GRID2: variants seen among roughly 807,000 people sequenced by gnomAD.
The protein encoded by GRID2 is glutamate receptor ionotropic, delta-2.
A neutral mutation model predicts 114.8 loss-of-function variants in GRID2; 33 were observed. The observed-to-expected ratio is 0.29, with a 90% CI of 0.22 to 0.38. The LOEUF (loss-of-function observed/expected upper bound fraction) is 0.38, where lower values mean the gene tolerates loss of function less well. Among genes scored for constraint, GRID2 ranks in the 10% least tolerant of loss-of-function variants. The probability of loss-of-function intolerance (pLI) is 1.00; values close to 1 mark genes in which losing one functional copy is unlikely to be tolerated. For missense variants in GRID2, 1,184 were observed against 1,257.7 expected (o/e 0.94, Z 0.89); for synonymous variants, 505 against 449.9 (o/e 1.12, Z -1.55).
At chr4:93,568,068 C>T (rs1295333650) in intron 13 of GRID2, among the ~76,000 whole-genome samples, 1 of 152,176 alleles carries the variant, frequency 6.6e-6, no homozygotes, top group African/African-American at 2.4e-5. Flanking sequence ...GATACAATCT[C>T]AGCTCTGCCC....
intron 2 of GRID2, among the ~76,000 whole-genome samples, chr4:92,652,141 TG>T (rs1398605522): frequency 1.3e-5 from 2 of 152,092 alleles, no homozygotes; most frequent in African/African-American, 4.8e-5. Context: ...CAGTTTATTA[TG>T]GGCAGAACAA....
chr4:92,984,769 C>CT lies in GRID2; in HGVS notation c.245-100213dup, dbSNP rs1261130163. ...TGGAGTCTCCTCCAATATTCAACTT[C>CT]TTTTTTTTTTTTTCCCAGTCTTGAC... is the stretch of plus-strand genomic sequence containing the variant. On this transcript the variant is annotated intron_variant, in intron 2 of 15. Coordinates refer to ENST00000282020, the MANE Select transcript of GRID2 (RefSeq NM_001510.4). Among the ~76,000 whole-genome samples the CT allele has an allele frequency of 8.9e-3, 1,283 of 143,438 alleles. 13 individuals are homozygous for CT. The highest frequency in any genetic ancestry group is 9.7e-3 in the Non-Finnish European group (630 of 65,128). The allele number at this position is 143,438 out of a possible 152,430, so 94.1% of individuals were successfully genotyped here.
At chr4:93,191,101 G>T (rs920818754) in intron 4 of GRID2, among the ~76,000 whole-genome samples, 2 of 152,072 alleles carry the variant, frequency 1.3e-5, no homozygotes, top group East Asian at 3.9e-4. Context: ...TAGTGTACAT[G>T]CAAAATAAAA....
At chr4:93,164,602 A>G (rs1738069193) in intron 4 of GRID2, 1 of 233,918 alleles carries the variant, frequency 4.3e-6, no homozygotes, top group African/African-American at 2.2e-5. Context: ...TTTAGGCTCT[A>G]TGTTGACTTT....
At chr4:93,699,642 G>C (rs2110135715) in intron 14 of GRID2, among the ~76,000 whole-genome samples, 1 of 152,242 alleles carries the variant, frequency 6.6e-6, no homozygotes, top group East Asian at 1.9e-4. Context: ...GCCCTTTATA[G>C]TTCTGTCTTC....
At chr4:93,008,270 A>G (rs1182460920) in intron 2 of GRID2, among the ~76,000 whole-genome samples, 1 of 152,032 alleles carries the variant, frequency 6.6e-6, no homozygotes, top group Non-Finnish European at 1.5e-5. Flanking sequence ...AATATTGAAA[A>G]TTTTACCATA....
At chr4:92,649,327 TGTTGTAA>T (rs1731811760) in intron 2 of GRID2, among the ~76,000 whole-genome samples, 1 of 150,054 alleles carries the variant, frequency 6.7e-6, no homozygotes, top group African/African-American at 2.5e-5. Context: ...GACGAGGCAA[TGTTGTAA>T]CTCCAAGCCT....
intron 8 of GRID2, among the ~76,000 whole-genome samples, chr4:93,243,227 C>A (rs1490659541): frequency 6.6e-6 from 1 of 151,946 alleles, no homozygotes; most frequent in Non-Finnish European, 1.5e-5. Flanking sequence ...AACTCCAGAT[C>A]TAACACTCAA....
At chr4:93,392,132 G>A (rs1764915703) in intron 8 of GRID2, among the ~76,000 whole-genome samples, 1 of 152,142 alleles carries the variant, frequency 6.6e-6, no homozygotes, top group South Asian at 2.1e-4. Flanking sequence ...TAAGTCTCAT[G>A]TGCTGCAAGG....
chr4:93,716,288 A>G (rs1481705271), intron 14 of GRID2, among the ~76,000 whole-genome samples: 1 of 152,156 alleles, frequency 6.6e-6, no homozygotes, highest in Non-Finnish European at 1.5e-5. Flanking sequence ...AACTATCCTG[A>G]GCATTGCTAG....
intron 2 of GRID2, among the ~76,000 whole-genome samples, chr4:93,028,072 A>T (rs1724045543): frequency 1.3e-5 from 2 of 152,100 alleles, no homozygotes; most frequent in African/African-American, 4.8e-5. Flanking sequence ...TCTCTTCTTG[A>T]TTTATTCATT....
At chr4:92,827,279 A>G (rs1413739845) in intron 2 of GRID2, among the ~76,000 whole-genome samples, 4 of 151,930 alleles carry the variant, frequency 2.6e-5, no homozygotes, top group East Asian at 1.9e-4. Context: ...ATGAAAAAGC[A>G]TATATATTGG....
intron 8 of GRID2, among the ~76,000 whole-genome samples, chr4:93,359,804 G>A (rs1345836126): frequency 9.5e-5 from 11 of 115,488 alleles, no homozygotes; most frequent in Non-Finnish European, 1.4e-4. Flanking sequence ...GAATACCATA[G>A]CCAAGCCCAG....
chr4:92,558,029 T>G (rs1450499), intron 1 of GRID2, among the ~76,000 whole-genome samples: 313 of 152,290 alleles, frequency 2.1e-3, no homozygotes, highest in African/African-American at 7.2e-3. Flanking sequence ...GCCTGTAGGA[T>G]TCCTCCATTC....
chr4:93,254,446 CT>C (rs1749340896), intron 8 of GRID2, among the ~76,000 whole-genome samples: 1 of 152,096 alleles, frequency 6.6e-6, no homozygotes, highest in Admixed American at 6.5e-5. Context: ...CACTTATCCA[CT>C]GAAAACTTTT....
At chr4:93,277,696 T>A (rs954925281) in intron 8 of GRID2, among the ~76,000 whole-genome samples, 1 of 151,922 alleles carries the variant, frequency 6.6e-6, no homozygotes, top group African/African-American at 2.4e-5. Context: ...TGTATTTAAG[T>A]AAAGCAACTC....
chr4:93,796,474 G>A (rs925191175), intron 1 of GRID2, among the ~76,000 whole-genome samples: 1 of 152,128 alleles, frequency 6.6e-6, no homozygotes, highest in African/African-American at 2.4e-5. Flanking sequence ...AGTCTCTGGA[G>A]CAGTAATACT....
At chr4:92,495,271 G>A (rs1223556249) in intron 1 of GRID2, among the ~76,000 whole-genome samples, 1 of 151,944 alleles carries the variant, frequency 6.6e-6, no homozygotes, top group East Asian at 1.9e-4. Flanking sequence ...TTACCTCTGA[G>A]CATCTGGTTA....
intron 4 of GRID2, among the ~76,000 whole-genome samples, chr4:93,120,498 G>A (rs1040827728): frequency 5.3e-5 from 8 of 152,066 alleles, no homozygotes; most frequent in Non-Finnish European, 4.4e-5. Context: ...CACAGGAACA[G>A]AAAACCAAAT....
Sources: gnomAD v4.1 joint callset for allele counts (sites outside exome capture counted in the v4.1 genomes callset) on GRCh38, gnomAD v4.1.1 for gene constraint, MANE v1.5 for transcripts, NCBI Gene and HGNC (gene_info 2026-07-23, HGNC 2026-07-21) for gene names.